RAP1GDS1: variants seen among roughly 807,000 people sequenced by gnomAD.
The protein encoded by RAP1GDS1 is RAP1, GTP-GDP dissociation stimulator 1.
RAP1GDS1 carries 35 observed loss-of-function variants against 71.1 expected under a neutral mutation model. The ratio of observed to expected loss-of-function variants is 0.49; its 90% CI spans 0.38 to 0.65. RAP1GDS1 has a LOEUF of 0.65. Among genes scored for constraint, RAP1GDS1 ranks in the 30% least tolerant of loss-of-function variants. The pLI, the probability that RAP1GDS1 is intolerant of heterozygous loss-of-function variation, is 0.00. For synonymous variants in RAP1GDS1, 229 were observed against 243.1 expected (o/e 0.94, Z 0.54); for missense variants, 663 against 706.1 (o/e 0.94, Z 0.69).
chr4:98,343,399 T>A, intron 3 of RAP1GDS1, 138 bp downstream of exon 3: 1 of 1,113,730 alleles, frequency 9.0e-7, no homozygotes, highest in African/African-American at 1.6e-5. Context: ...GTTTGACTCT[T>A]CATGTAATTG....
At chr4:98,277,504 A>G (rs1488842521) in intron 1 of RAP1GDS1, among the ~76,000 whole-genome samples, 1 of 152,166 alleles carries the variant, frequency 6.6e-6, no homozygotes, top group Non-Finnish European at 1.5e-5. Context: ...CTTCGTCATA[A>G]CACCAGTATA....
intron 6 of RAP1GDS1, 178 bp downstream of exon 6, chr4:98,392,258 C>T: frequency 1.8e-6 from 1 of 555,654 alleles, no homozygotes; most frequent in Non-Finnish European, 2.9e-6. Flanking sequence ...CTTATGATTG[C>T]ATTGTTTATG....
At chr4:98,323,337 A>G (rs2110346138) in intron 2 of RAP1GDS1, among the ~76,000 whole-genome samples, 2 of 143,784 alleles carry the variant, frequency 1.4e-5, no homozygotes, top group African/African-American at 5.6e-5. Flanking sequence ...GAATTCTACC[A>G]GAGGTACAAG....
In RAP1GDS1 at chr4:98,428,306, A is replaced by T. The variant is rs566943705; in HGVS notation, c.1441-5630A>T. Among the ~76,000 whole-genome samples the T allele has an allele frequency of 5.3e-5, 8 of 152,314 alleles. 1 individual carries two copies. In the South Asian group the frequency reaches 1.7e-3, roughly 32 times the overall value. On this transcript the variant is annotated intron_variant, in intron 12 of 14. Coordinates refer to ENST00000408927, the MANE Select transcript of RAP1GDS1 (RefSeq NM_001100427.2). ...TGTTGGCTTAGGCAAGGATTTCATG[A>T]TCAAGAACCCAAAGCAAATGCAATA... is the stretch of plus-strand genomic sequence containing the variant.
At chr4:98,380,611 C>T (rs1480965837) in intron 5 of RAP1GDS1, among the ~76,000 whole-genome samples, 1 of 151,590 alleles carries the variant, frequency 6.6e-6, no homozygotes, top group African/African-American at 2.4e-5. Flanking sequence ...AGGACAGAGC[C>T]TGAGAAATCC....
chr4:98,333,517 GT>G (rs1374574526), intron 2 of RAP1GDS1, among the ~76,000 whole-genome samples: 1 of 151,994 alleles, frequency 6.6e-6, no homozygotes, highest in Non-Finnish European at 1.5e-5. Context: ...TTACAATTAT[GT>G]TCAGCAATTT....
At chr4:98,441,680 T>C in intron 14 of RAP1GDS1, 1 of 908,456 alleles carries the variant, frequency 1.1e-6, no homozygotes, top group Non-Finnish European at 1.3e-6. Flanking sequence ...GCAGGATGAA[T>C]CCCTTGAGGC....
At chr4:98,306,592 A>G (rs1729363039) in intron 2 of RAP1GDS1, among the ~76,000 whole-genome samples, 1 of 152,214 alleles carries the variant, frequency 6.6e-6, no homozygotes, top group South Asian at 2.1e-4. Context: ...TGGCATTTTA[A>G]TTGATACAAT....
intron 5 of RAP1GDS1, among the ~76,000 whole-genome samples, chr4:98,383,132 T>C (rs1325050132): frequency 6.6e-6 from 1 of 151,698 alleles, no homozygotes; most frequent in Non-Finnish European, 1.5e-5. Flanking sequence ...AATTAATCAA[T>C]AAATATCTCA....
intron 12 of RAP1GDS1, among the ~76,000 whole-genome samples, chr4:98,421,810 A>G (rs1748902959): frequency 6.6e-6 from 1 of 152,210 alleles, no homozygotes; most frequent in South Asian, 2.1e-4. Context: ...AAATGAACAA[A>G]TGAGCTATTT....
chr4:98,351,618 G>A (rs753640551), intron 3 of RAP1GDS1, among the ~76,000 whole-genome samples: 2 of 151,752 alleles, frequency 1.3e-5, no homozygotes, highest in South Asian at 4.2e-4. Flanking sequence ...TGTCCAAAAA[G>A]GTAATTCAGT....
chr4:98,325,178 C>G (rs35717757), intron 2 of RAP1GDS1, among the ~76,000 whole-genome samples: 1 of 150,740 alleles, frequency 6.6e-6, no homozygotes, highest in African/African-American at 2.5e-5. Flanking sequence ...AAAATGCTCA[C>G]CATCACTGGC....
At chr4:98,274,574 A>AT (rs1177819749) in intron 1 of RAP1GDS1, among the ~76,000 whole-genome samples, 1 of 152,102 alleles carries the variant, frequency 6.6e-6, no homozygotes, top group African/African-American at 2.4e-5. Context: ...TCTGGTCTTC[A>AT]TTTATTTTTG....
intron 2 of RAP1GDS1, among the ~76,000 whole-genome samples, chr4:98,308,152 AT>A (rs1729615483): frequency 6.6e-6 from 1 of 150,752 alleles, no homozygotes; most frequent in African/African-American, 2.4e-5. Context: ...ATATGTGTGT[AT>A]ATATGTGTGT....
intron 4 of RAP1GDS1, among the ~76,000 whole-genome samples, chr4:98,374,827 C>G (rs901884264): frequency 2.0e-5 from 3 of 152,104 alleles, no homozygotes; most frequent in African/African-American, 7.2e-5. Context: ...TGGACCCGTT[C>G]CCGCACAGCT....
At chr4:98,372,100 T>C (rs1479898708) in intron 4 of RAP1GDS1, among the ~76,000 whole-genome samples, 1 of 152,146 alleles carries the variant, frequency 6.6e-6, no homozygotes, top group Non-Finnish European at 1.5e-5. Context: ...TGTTCCTCTT[T>C]CCCTCTTTGT....
intron 13 of RAP1GDS1, among the ~76,000 whole-genome samples, chr4:98,435,978 G>A (rs557685054): frequency 6.6e-6 from 1 of 151,604 alleles, no homozygotes; most frequent in South Asian, 2.1e-4. Context: ...GGCTGAGGCA[G>A]GAGAATGGCG....
chr4:98,414,971 T>C (rs1318116123), intron 7 of RAP1GDS1, among the ~76,000 whole-genome samples: 1 of 152,082 alleles, frequency 6.6e-6, no homozygotes, highest in Admixed American at 6.6e-5. Context: ...TTATTCTCTT[T>C]GAAGCAATTG....
At chr4:98,384,939 T>G (rs929524005) in intron 5 of RAP1GDS1, among the ~76,000 whole-genome samples, 1 of 151,706 alleles carries the variant, frequency 6.6e-6, no homozygotes, top group Non-Finnish European at 1.5e-5. Flanking sequence ...AGATGCCCAC[T>G]TAGTTGAGGG....
Sources: allele counts gnomAD v4.1 joint callset (sites outside exome capture counted in the v4.1 genomes callset), GRCh38; gene constraint gnomAD v4.1.1; transcripts MANE v1.5; gene names NCBI Gene and HGNC (gene_info 2026-07-23, HGNC 2026-07-21).